ASIC2: variants seen among roughly 807,000 people sequenced by gnomAD.
The protein encoded by ASIC2 is acid sensing ion channel subunit 2, also known as acid-sensing ion channel 2.
A neutral mutation model predicts 57.3 loss-of-function variants in ASIC2; 25 were observed. The ratio of observed to expected loss-of-function variants is 0.44; its 90% CI spans 0.32 to 0.61. The LOEUF (loss-of-function observed/expected upper bound fraction) is 0.61. Among genes scored for constraint, ASIC2 ranks in the 20% least tolerant of loss-of-function variants. The pLI is 0.06. For missense variants in ASIC2, 641 were observed against 738.1 expected (o/e 0.87, Z 1.52); for synonymous variants, 319 against 307.5 (o/e 1.04, Z -0.39).
chr17:33,162,055 AAAG>A (rs762131085), intron 1 of ASIC2, among the ~76,000 whole-genome samples: 2 of 152,100 alleles, frequency 1.3e-5, no homozygotes, highest in Non-Finnish European at 2.9e-5. Flanking sequence ...CATCTTGCTG[AAAG>A]AAGAAGGTGC....
At chr17:33,268,690 A>G (rs1051644486) in intron 1 of ASIC2, among the ~76,000 whole-genome samples, 2 of 152,128 alleles carry the variant, frequency 1.3e-5, no homozygotes, top group Non-Finnish European at 2.9e-5. Context: ...ACACATATAG[A>G]GCACCTACCA....
At chr17:33,375,255 A>G (rs138419578) in intron 1 of ASIC2, among the ~76,000 whole-genome samples, 39 of 152,236 alleles carry the variant, frequency 2.6e-4, no homozygotes, top group African/African-American at 7.9e-4. Flanking sequence ...GAGACCTGAA[A>G]GAAACAAGGA....
chr17:33,887,005 A>G (rs1279398336), intron 1 of ASIC2, among the ~76,000 whole-genome samples: 1 of 152,148 alleles, frequency 6.6e-6, no homozygotes, highest in African/African-American at 2.4e-5. Context: ...GGAATCAGGG[A>G]GCAGGAGAGA....
intron 1 of ASIC2, among the ~76,000 whole-genome samples, chr17:33,155,977 G>C (rs879635069): frequency 2.0e-5 from 3 of 152,186 alleles, no homozygotes; most frequent in Non-Finnish European, 2.9e-5. Flanking sequence ...ACCATGGTTT[G>C]AATTCTGGCT....
At chr17:33,878,006 G>A (rs984228978) in intron 1 of ASIC2, among the ~76,000 whole-genome samples, 1 of 152,220 alleles carries the variant, frequency 6.6e-6, no homozygotes, top group Non-Finnish European at 1.5e-5. Flanking sequence ...AGGGTCTGGA[G>A]TGGACCTCCA....
intron 1 of ASIC2, among the ~76,000 whole-genome samples, chr17:33,288,881 A>G (rs1008708997): frequency 1.3e-5 from 2 of 152,264 alleles, no homozygotes; most frequent in African/African-American, 4.8e-5. Flanking sequence ...ATTTGAGCCC[A>G]GTCAGTGCAG....
At chr17:33,094,359 T>C (rs545045746) in intron 2 of ASIC2, among the ~76,000 whole-genome samples, 1 of 152,298 alleles carries the variant, frequency 6.6e-6, no homozygotes, top group Admixed American at 6.5e-5. Context: ...TGTCTCTCTC[T>C]GGGTTTTGAC....
At chr17:34,102,408 A>T (rs985221534) in intron 1 of ASIC2, among the ~76,000 whole-genome samples, 1 of 152,180 alleles carries the variant, frequency 6.6e-6, no homozygotes, top group African/African-American at 2.4e-5. Context: ...ATCTCTAGCC[A>T]TATCAAGATA....
intron 1 of ASIC2, among the ~76,000 whole-genome samples, chr17:33,317,670 T>C (rs1202758689): frequency 6.6e-6 from 1 of 152,150 alleles, no homozygotes; most frequent in Non-Finnish European, 1.5e-5. Context: ...CTCACTCTTG[T>C]AGGCAAGAAG....
intron 1 of ASIC2, among the ~76,000 whole-genome samples, chr17:33,763,532 T>G (rs1432471752): frequency 6.6e-6 from 1 of 152,166 alleles, no homozygotes; most frequent in East Asian, 1.9e-4. Context: ...TCCAGTTCCA[T>G]TGCCAGGGGA....
chr17:33,872,638 G>C (rs1020236378), intron 1 of ASIC2, among the ~76,000 whole-genome samples: 2 of 152,174 alleles, frequency 1.3e-5, no homozygotes, highest in African/African-American at 4.8e-5. Flanking sequence ...GGTATGAGCA[G>C]AGGAGGGGAA....
chr17:33,368,519 T>C (rs1908915826), intron 1 of ASIC2, among the ~76,000 whole-genome samples: 1 of 152,232 alleles, frequency 6.6e-6, no homozygotes, highest in Non-Finnish European at 1.5e-5. Context: ...AATAGATGGT[T>C]GTCTTACACC....
chr17:33,258,445 A>G (rs1190883938), intron 1 of ASIC2, among the ~76,000 whole-genome samples: 1 of 152,186 alleles, frequency 6.6e-6, no homozygotes, highest in African/African-American at 2.4e-5. Context: ...TGAGTGAGTA[A>G]TTTGGTGCCA....
chr17:33,049,249 T>C (rs1450534834), intron 3 of ASIC2, among the ~76,000 whole-genome samples: 1 of 152,060 alleles, frequency 6.6e-6, no homozygotes, highest in East Asian at 1.9e-4. Context: ...TATTTGGGAG[T>C]AGCATGGTGT....
chr17:33,905,141 CTTTTTTTTTTT>C (rs57064859), intron 1 of ASIC2, among the ~76,000 whole-genome samples: 12 of 87,856 alleles, frequency 1.4e-4, no homozygotes, highest in African/African-American at 4.5e-4. Context: ...TAGTTTAAGG[CTTTTTTTTTTT>C]TTTTTTTTTT....
At chr17:33,759,250 C>T (rs918755629) in intron 1 of ASIC2, among the ~76,000 whole-genome samples, 19 of 152,188 alleles carry the variant, frequency 1.2e-4, no homozygotes, top group African/African-American at 3.9e-4. Flanking sequence ...GAACTGTGTC[C>T]ATGCCAGAGG....
At chr17:33,618,347 C>T (rs9916263) in intron 1 of ASIC2, among the ~76,000 whole-genome samples, 13,403 of 151,972 alleles carry the variant, frequency 0.088, 614 homozygotes, top group African/African-American at 0.12. Context: ...AGCCACCACA[C>T]GTGGCTCAAT....
chr17:33,421,580 G>A (rs1323325192), intron 1 of ASIC2, among the ~76,000 whole-genome samples: 1 of 152,204 alleles, frequency 6.6e-6, no homozygotes, highest in Non-Finnish European at 1.5e-5. Flanking sequence ...GCAGCAAGTT[G>A]CATTGACTTA....
chr17:34,112,672 C>T lies in ASIC2; in HGVS notation c.555+43306G>A, dbSNP rs114805970. ...AGCCAGCATGTGAAACCAACCCTTC[C>T]CTGGTCCTCTGGGCATTTACAAGAT... On this transcript the variant is annotated intron_variant, in intron 1 of 9. Transcript: ENST00000359872. Among the ~76,000 whole-genome samples the T allele has an allele frequency of 4.6e-3, 707 of 152,292 alleles. 5 individuals are homozygous for T. Among genetic ancestry groups the T allele is most frequent in the Middle Eastern group, 0.017 (5 of 294 alleles).
Sources: allele counts gnomAD v4.1 joint callset (sites outside exome capture counted in the v4.1 genomes callset), GRCh38; gene constraint gnomAD v4.1.1; transcripts MANE v1.5; gene names NCBI Gene and HGNC (gene_info 2026-07-23, HGNC 2026-07-21).